SOX30: variants seen among roughly 807,000 people sequenced by gnomAD.
The protein encoded by SOX30 is SRY-box transcription factor 30.
In SOX30, 17 loss-of-function variants were observed where a neutral mutation model predicts 58.6. The ratio of observed to expected loss-of-function variants is 0.29; its 90% CI spans 0.20 to 0.44. SOX30 has a LOEUF of 0.44. Among genes scored for constraint, SOX30 ranks in the 20% least tolerant of loss-of-function variants. The pLI is 1.00. For missense variants in SOX30, 951 were observed against 965.8 expected, an observed-to-expected ratio of 0.98 and a Z score of 0.20; for synonymous variants, 421 against 400.2, an observed-to-expected ratio of 1.05 and a Z score of -0.62.
intron 4 of SOX30, among the ~76,000 whole-genome samples, chr5:157,637,133 CAAAAA>C: frequency 1.6e-5 from 1 of 62,832 alleles, no homozygotes; most frequent in South Asian, 5.5e-4. Flanking sequence ...AACTCCGCCT[CAAAAA>C]AAAAAAAAAA....
upstream of SOX30, among the ~76,000 whole-genome samples, chr5:157,655,470 G>A (rs184277465): frequency 1.9e-3 from 293 of 152,272 alleles, 4 homozygotes; most frequent in African/African-American, 6.4e-3. Flanking sequence ...TTGGCACTAC[G>A]GTATGTTAAC....
At position 157,638,327 on chromosome 5, in the gene SOX30, G is replaced by A. The variant is rs201680419; in HGVS notation, c.1783C>T (p.Pro595Ser). The A allele has an allele frequency of 4.3e-6, 7 of 1,611,878 alleles. No homozygotes were observed. The highest frequency in any genetic ancestry group is 5.9e-6 in the Non-Finnish European group (7 of 1,178,754). ...PIPHPHVYQP[P>S]PLGHPATLFG... ...AGTGTGGCTGGATGGCCAAGGGGAG[G>A]GGGCTGGTAGACATGTGGGTGTGGA... The change falls in exon 4 of 5, where the codon CCT becomes TCT. Residue 595 changes from proline (P) to serine (S), a missense_variant. Pro to Ser is a moderately conservative substitution (Grantham distance 74). Transcript: ENST00000265007.
chr5:157,669,713 C>T (rs1759741630), intron 1 of SOX30, among the ~76,000 whole-genome samples: 1 of 151,730 alleles, frequency 6.6e-6, no homozygotes, highest in African/African-American at 2.4e-5. Context: ...AACGGGGTTT[C>T]ATTATGCTGA....
chr5:157,644,024 T>C (rs1287265131), intron 3 of SOX30, among the ~76,000 whole-genome samples: 1 of 152,192 alleles, frequency 6.6e-6, no homozygotes, highest in African/African-American at 2.4e-5. Context: ...TAAGAATATA[T>C]TTCAAAGCCA....
chr5:157,655,485 A>G (rs1221838022), upstream of SOX30, among the ~76,000 whole-genome samples: 2 of 152,326 alleles, frequency 1.3e-5, no homozygotes, highest in African/African-American at 4.8e-5. Flanking sequence ...GTTAACTTCT[A>G]TTCTCCTTGG....
At chr5:157,647,929 A>T (rs1320997914) in intron 2 of SOX30, among the ~76,000 whole-genome samples, 3 of 152,140 alleles carry the variant, frequency 2.0e-5, no homozygotes, top group Non-Finnish European at 4.4e-5. Context: ...CCAAGTCCAC[A>T]AATAACTTAA....
chr5:157,667,183 G>T (rs978736825), intron 2 of SOX30, among the ~76,000 whole-genome samples: 3 of 152,190 alleles, frequency 2.0e-5, no homozygotes. Flanking sequence ...GGACGTAGGA[G>T]TCCTGACTGC....
intron 4 of SOX30, among the ~76,000 whole-genome samples, chr5:157,631,674 T>C (rs965685776): frequency 4.0e-5 from 6 of 150,920 alleles, no homozygotes; most frequent in Non-Finnish European, 7.4e-5. Context: ...GGCAGGAGAA[T>C]TGCTTGCTCG....
At chr5:157,636,101 C>T (rs1218601667) in intron 4 of SOX30, among the ~76,000 whole-genome samples, 1 of 152,114 alleles carries the variant, frequency 6.6e-6, no homozygotes, top group Non-Finnish European at 1.5e-5. Flanking sequence ...ATTCTTAGCT[C>T]TCAAAACACT....
intron 2 of SOX30, among the ~76,000 whole-genome samples, chr5:157,659,558 C>A (rs1009828085): frequency 6.6e-6 from 1 of 152,310 alleles, no homozygotes; most frequent in Admixed American, 6.5e-5. Context: ...CTGTTCCTTC[C>A]ATTCCTTCCA....
chr5:157,643,437 T>C (rs1561583045), intron 3 of SOX30, among the ~76,000 whole-genome samples: 1 of 151,774 alleles, frequency 6.6e-6, no homozygotes, highest in Non-Finnish European at 1.5e-5. Context: ...TATATAAATA[T>C]AAATATTAAA....
chr5:157,667,873 C>T, intron 1 of SOX30: 1 of 1,535,142 alleles, frequency 6.5e-7, no homozygotes. Flanking sequence ...AAGAAGGGAA[C>T]TTCTGTTTAC....
In SOX30 at chr5:157,652,000, T is replaced by C. The variant is rs1260998320; in HGVS notation, c.79A>G (p.Thr27Ala). The C allele has an allele frequency of 7.0e-6, 10 of 1,431,838 alleles. No homozygotes were observed. Among genetic ancestry groups the C allele is most frequent in the Non-Finnish European group, 9.1e-6 (10 of 1,101,018 alleles). The allele number at this position is 1,431,838 out of a possible 1,614,324, so 88.7% of individuals were successfully genotyped here. A position where few individuals can be genotyped will look rare whatever the true frequency, so the allele number is the denominator to read the frequency against. The change falls in exon 1 of 5, where the codon ACC becomes GCC. Residue 27 changes from threonine (T) to alanine (A), a missense_variant. By Grantham distance (58) the Thr-to-Ala change is moderately conservative (BLOSUM62 0). This residue lies in a region of SOX30 where 363 missense variants were observed against 294.5 expected (regional missense o/e 1.23). Coordinates refer to ENST00000265007, the MANE Select transcript of SOX30 (RefSeq NM_178424.2). ...PAPPPLPVEGTSFWAAAMEPP... is the reference protein window; with the variant it reads ...PAPPPLPVEGASFWAAAMEPP... Reference sequence around the variant, plus strand: ...TCCATGGCTGCTGCCCAAAAGGAGGTGCCCTCGACCGGCAGCGGGGGCGGA... The same window carrying C: ...TCCATGGCTGCTGCCCAAAAGGAGGCGCCCTCGACCGGCAGCGGGGGCGGA...
At chr5:157,633,777 T>A (rs1758864688) in intron 4 of SOX30, among the ~76,000 whole-genome samples, 2 of 152,228 alleles carry the variant, frequency 1.3e-5, no homozygotes, top group Non-Finnish European at 2.9e-5. Flanking sequence ...GAACTTACTT[T>A]CCCTACAATA....
Position 157,648,728 on chromosome 5 carries a change from C to G in SOX30, c.1136G>C (p.Ser379Thr), listed in dbSNP as rs147359711. The G allele has an allele frequency of 2.8e-5, 45 of 1,613,580 alleles. No individual in the cohort carries two copies. Among genetic ancestry groups the G allele is most frequent in the Middle Eastern group, 1.6e-4 (1 of 6,084 alleles). Residue 379 changes from serine to threonine, a missense_variant, in exon 2 of 5, where the codon AGT (serine) becomes ACT (threonine). This residue lies in a region of SOX30 where 57 missense variants were observed against 104.0 expected (regional missense o/e 0.55). Coordinates refer to ENST00000265007, the MANE Select transcript of SOX30 (RefSeq NM_178424.2). ...VQLGLEWNKL[S>T]EEQKKPYYDE... ...GTAATAGGGTTTCTTTTGTTCTTCACTAAGTTTGTTCCACTCTAACCCAAG... is the reference window on the plus strand; with the variant it reads ...GTAATAGGGTTTCTTTTGTTCTTCAGTAAGTTTGTTCCACTCTAACCCAAG...
At chr5:157,663,175 C>T (rs1399940010) in intron 2 of SOX30, among the ~76,000 whole-genome samples, 2 of 152,172 alleles carry the variant, frequency 1.3e-5, no homozygotes, top group Non-Finnish European at 2.9e-5. Flanking sequence ...ACCAATATCC[C>T]TGATGAACAT....
chr5:157,637,653 C>T (rs1388449950), intron 4 of SOX30, among the ~76,000 whole-genome samples: 8 of 152,098 alleles, frequency 5.3e-5, no homozygotes, highest in Non-Finnish European at 1.5e-5. Flanking sequence ...ATCTTAAGGT[C>T]CCTTATAGTT....
chr5:157,628,860 C>T (rs1222838296), intron 4 of SOX30, among the ~76,000 whole-genome samples: 3 of 151,992 alleles, frequency 2.0e-5, no homozygotes, highest in Admixed American at 6.6e-5. Context: ...AGTCTGGTCT[C>T]GAAATTCTGA....
intron 2 of SOX30, among the ~76,000 whole-genome samples, chr5:157,660,010 G>A (rs1214246568): frequency 2.0e-5 from 3 of 152,188 alleles, no homozygotes; most frequent in Non-Finnish European, 2.9e-5. Context: ...TCTGAAAGTC[G>A]CTGTTTCTAT....
Sources: allele counts gnomAD v4.1 joint callset (sites outside exome capture counted in the v4.1 genomes callset), GRCh38; gene constraint gnomAD v4.1.1; regional missense constraint gnomAD v4.1.1; transcripts MANE v1.5; gene names NCBI Gene and HGNC (gene_info 2026-07-23, HGNC 2026-07-21).